Variants in BAX observed in about 807,000 individuals in gnomAD.
The protein encoded by BAX is apoptosis regulator BAX.
A neutral mutation model predicts 26.8 loss-of-function variants in BAX; 21 were observed. The observed-to-expected ratio is 0.78, with a 90% CI of 0.56 to 1.13. The LOEUF is 1.13. BAX is among the 50% of genes most tolerant of loss of function. The pLI is 0.00. For synonymous variants in BAX, 110 were observed against 101.8 expected (o/e 1.08, Z -0.49); for missense variants, 236 against 254.6 (o/e 0.93, Z 0.50).
chr19:48,956,479 CT>C, intron 4 of BAX, 146 bp downstream of exon 4: 1 of 916,426 alleles, frequency 1.1e-6, no homozygotes, highest in Non-Finnish European at 1.5e-6. Context: ...TCTGCTCCTT[CT>C]TTTATTCATT....
At chr19:48,955,416 C>A in intron 1 of BAX, 132 bp from the exon 2 acceptor site, 1 of 1,048,414 alleles carries the variant, frequency 9.5e-7, no homozygotes, top group Non-Finnish European at 1.3e-6. Flanking sequence ...CCCCCCGTCA[C>A]TTTATCTGCT....
At chr19:48,957,391 T>C (rs1361001625) in intron 4 of BAX, among the ~76,000 whole-genome samples, 1 of 149,066 alleles carries the variant, frequency 6.7e-6, no homozygotes, top group African/African-American at 2.4e-5. Flanking sequence ...TCTCATGCTT[T>C]AGCCTCCCAA....
chr19:48,961,023 A>G (rs769368417), intron 5 of BAX, 109 bp downstream of exon 5: 6 of 1,611,574 alleles, frequency 3.7e-6, no homozygotes, highest in Non-Finnish European at 4.2e-6. Context: ...CTTCTGGAGC[A>G]GGTCACAGTG....
chr19:48,960,863 G>A lies in BAX; in HGVS notation c.423G>A (p.Leu141=). ...TCAGAACCATCATGGGCTGGACATT[G>A]GACTTCCTCCGGGAGCGGCTGTTGG... ...ELIRTIMGWT[L]DFLRERLLGW... is the part of the protein sequence containing the mutation. Residue 141 remains leucine (L), a synonymous_variant, in exon 5 of 6, where the codon TTG becomes TTA. Coordinates refer to ENST00000345358, the MANE Select transcript of BAX (RefSeq NM_138761.4). 1 of 1,614,148 alleles carries A rather than the reference G, an allele frequency of 6.2e-7. No individual in the cohort carries two copies. The highest frequency in any genetic ancestry group is 8.5e-7 in the Non-Finnish European group (1 of 1,180,018).
intron 4 of BAX, among the ~76,000 whole-genome samples, chr19:48,958,931 G>T (rs1317666804): frequency 6.6e-6 from 1 of 151,942 alleles, no homozygotes; most frequent in Non-Finnish European, 1.5e-5. Context: ...GCAGGTGATG[G>T]TGGCACCACC....
chr19:48,961,065 G>C (rs929319102), intron 5 of BAX, 151 bp downstream of exon 5: 38 of 1,608,398 alleles, frequency 2.4e-5, no homozygotes, highest in Non-Finnish European at 3.1e-5. Context: ...ATCATCAGAT[G>C]TGGTCTATAA....
chr19:48,959,345 G>A (rs1332809748), intron 4 of BAX, among the ~76,000 whole-genome samples: 7 of 56,428 alleles, frequency 1.2e-4, no homozygotes, highest in East Asian at 6.2e-4. Flanking sequence ...GTGAGACTCC[G>A]TCTCAAAAAA....
chr19:48,961,736 T>A lies in BAX; in HGVS notation c.*100T>A. 6 of 899,572 alleles carry A rather than the reference T, an allele frequency of 6.7e-6. No individual in the cohort carries two copies. Among genetic ancestry groups the A allele is most frequent in the Non-Finnish European group, 8.1e-6 (5 of 614,776 alleles). The allele number at this position is 899,572 out of a possible 1,614,324, so 55.7% of individuals were successfully genotyped here. On this transcript the variant is annotated 3_prime_UTR_variant, in exon 6 of 6. Transcript: ENST00000345358. ...GACGTGGGCATTTTTCTTACTTTTG[T>A]AATTATTGGGGGGTGTGGGGAAGAG...
chr19:48,955,586 C>T lies in BAX; in HGVS notation c.73C>T (p.Leu25Phe). The part of the protein sequence containing the change: ...SSEQIMKTGA[L>F]LLQGFIQDRA... Reference sequence around the variant, plus strand: ...TGAGCAGATCATGAAGACAGGGGCCCTTTTGCTTCAGGGGTGAGTTTGAGG... The same window carrying T: ...TGAGCAGATCATGAAGACAGGGGCCTTTTTGCTTCAGGGGTGAGTTTGAGG... Residue 25 changes from leucine (L) to phenylalanine (F), a missense_variant, in exon 2 of 6, where the codon CTT (leucine) becomes TTT (phenylalanine). Transcript: ENST00000345358. The T allele has an allele frequency of 6.2e-7, 1 of 1,613,916 alleles. No homozygotes were observed. Among genetic ancestry groups the T allele is most frequent in the South Asian group, 1.1e-5 (1 of 91,030 alleles).
Position 48,955,691 on chromosome 19 carries a change from AT to A in BAX, c.92del (p.Ile31ThrfsTer29), listed in dbSNP as rs1362721061. 1 of 1,612,108 alleles carries A rather than the reference AT, an allele frequency of 6.2e-7. No homozygotes were observed. Among genetic ancestry groups the A allele is most frequent in the Non-Finnish European group, 8.5e-7 (1 of 1,178,840 alleles). Reference protein sequence around the residue: ...KTGALLLQGFIQDRAGRMGGE... With the variant: ...KTGALLLQGFXQDRAGRMGGE... The stretch of plus-strand genomic sequence containing the variant: ...CTCACTCCATCCCCACTCTAGTTTC[AT>A]CCAGGATCGAGCAGGGCGAATGGGG... On this transcript the variant is annotated frameshift_variant, in exon 3 of 6. Transcript: ENST00000345358. LOFTEE classifies it high-confidence loss of function.
At chr19:48,959,696 G>A (rs2038279234) in intron 4 of BAX, among the ~76,000 whole-genome samples, 3 of 150,692 alleles carry the variant, frequency 2.0e-5, no homozygotes, top group African/African-American at 7.3e-5. Context: ...TGTGGTGGCG[G>A]ATGCCTGTAA....
Position 48,961,586 on chromosome 19 carries a change from G to C in BAX, c.529G>C (p.Val177Leu). 6.2e-7 allele frequency: 1 copy of C among 1,604,024 alleles called. No homozygotes were observed. The highest frequency in any genetic ancestry group is 8.5e-7 in the Non-Finnish European group (1 of 1,175,194). The change falls in exon 6 of 6, where the codon GTG (valine) becomes CTG (leucine). Residue 177 changes from valine to leucine, a missense_variant. Physicochemically the swap from Val to Leu is conservative, Grantham distance 32. Transcript: ENST00000345358. The part of the protein sequence containing the change: ...TPTWQTVTIF[V>L]AGVLTASLTI... Reference sequence around the variant, plus strand: ...CACGTGGCAGACCGTGACCATCTTTGTGGCGGGAGTGCTCACCGCCTCACT... The same window carrying C: ...CACGTGGCAGACCGTGACCATCTTTCTGGCGGGAGTGCTCACCGCCTCACT...
rs1044350955 is a variant in BAX, at chr19:48,961,679, T to C, written c.*43T>C. On this transcript the variant is annotated 3_prime_UTR_variant, in exon 6 of 6. Coordinates refer to ENST00000345358, the MANE Select transcript of BAX (RefSeq NM_138761.4). ...GACTGTGTTTTTCCTCCATAAATTA[T>C]GGCATTTTTCTGGGAGGGGTGGGGA... 7 of 1,288,716 alleles carry C rather than the reference T, an allele frequency of 5.4e-6. No individual in the cohort carries two copies. The highest frequency in any genetic ancestry group is 1.5e-5 in the African/African-American group (1 of 64,750). The allele number at this position is 1,288,716 out of a possible 1,614,324, so 79.8% of individuals were successfully genotyped here.
chr19:48,956,227 C>A lies in BAX; in HGVS notation c.263C>A (p.Pro88His), dbSNP rs2038125500. 6.3e-7 allele frequency: 1 copy of A among 1,581,928 alleles called. No homozygotes were observed. Among genetic ancestry groups the A allele is most frequent in the Non-Finnish European group, 8.6e-7 (1 of 1,164,182 alleles). ...ATTGCCGCCGTGGACACAGACTCCC[C>A]CCGAGAGGTCTTTTTCCGAGTGGCA... ...RMIAAVDTDS[P>H]REVFFRVAAD... Residue 88 changes from proline to histidine, a missense_variant, in exon 4 of 6, where the codon CCC becomes CAC. Physicochemically the swap from Pro to His is moderately conservative, Grantham distance 77. Transcript: ENST00000345358.
intron 4 of BAX, among the ~76,000 whole-genome samples, chr19:48,956,913 C>A (rs950869606): frequency 1.4e-5 from 2 of 147,958 alleles, no homozygotes; most frequent in African/African-American, 5.0e-5. Flanking sequence ...CTCAAGTGAT[C>A]CACCTGCCTT....
intron 5 of BAX, 107 bp from the exon 6 acceptor site, chr19:48,961,425 T>G (rs2038355614): frequency 1.6e-6 from 2 of 1,222,276 alleles, no homozygotes; most frequent in Non-Finnish European, 2.3e-6. Flanking sequence ...CTCAGTCCCC[T>G]GCCCGCAATC....
At position 48,955,762 on chromosome 19, in the gene BAX, G is replaced by T; in HGVS notation, c.162G>T (p.Ala54=). Residue 54 remains alanine (A), a synonymous_variant, in exon 3 of 6, where the codon GCG becomes GCT. Transcript: ENST00000345358. ...CCCTGGACCCGGTGCCTCAGGATGC[G>T]TCCACCAAGAAGCTGAGCGAGTGTC... ...ELALDPVPQD[A]STKKLSECLK... The T allele has an allele frequency of 6.2e-7, 1 of 1,613,494 alleles. No individual in the cohort carries two copies. The highest frequency in any genetic ancestry group is 8.5e-7 in the Non-Finnish European group (1 of 1,179,756).
intron 4 of BAX, among the ~76,000 whole-genome samples, chr19:48,957,916 A>T (rs1433110763): frequency 6.6e-6 from 1 of 152,110 alleles, no homozygotes; most frequent in Non-Finnish European, 1.5e-5. Context: ...ACTTTTCATT[A>T]TGAAGATTCT....
chr19:48,956,460 C>T, intron 4 of BAX, 127 bp downstream of exon 4: 2 of 1,034,274 alleles, frequency 1.9e-6, no homozygotes, highest in South Asian at 2.0e-5. Context: ...GATGGCTGTG[C>T]ACTGGGTGTC....
Sources: gnomAD v4.1 joint callset for allele counts (sites outside exome capture counted in the v4.1 genomes callset) on GRCh38, gnomAD v4.1.1 for gene constraint, MANE v1.5 for transcripts, NCBI Gene and HGNC (gene_info 2026-07-23, HGNC 2026-07-21) for gene names.